CERS5: variants seen among roughly 807,000 people sequenced by gnomAD.
The protein encoded by CERS5 is ceramide synthase 5, also known as LAG1 homolog, ceramide synthase 5.
CERS5 carries 37 observed loss-of-function variants against 58.9 expected under a neutral mutation model. The observed-to-expected ratio is 0.63, with a 90% CI of 0.48 to 0.83. CERS5 has a LOEUF of 0.83. Among genes scored for constraint, CERS5 ranks in the 40% least tolerant of loss-of-function variants. The pLI is 0.00. For missense variants in CERS5, 398 were observed against 489.3 expected (o/e 0.81, Z 1.76); for synonymous variants, 147 against 177.8 (o/e 0.83, Z 1.38).
At chr12:50,144,375 A>G (rs941917275) in intron 1 of CERS5, 2 of 295,658 alleles carry the variant, frequency 6.8e-6, no homozygotes, top group African/African-American at 2.1e-5. Context: ...CTGCATTTTA[A>G]CAAGATCCCC....
chr12:50,161,869 C>CTTTTTTTTTT (rs765766688), intron 1 of CERS5, among the ~76,000 whole-genome samples: 1 of 67,306 alleles, frequency 1.5e-5, no homozygotes, highest in African/African-American at 6.2e-5. Context: ...TGTTCTTCTT[C>CTTTTTTTTTT]TTTTTTTTTT....
Position 50,167,299 on chromosome 12 carries a change from T to C in CERS5, c.-2A>G. On this transcript the variant is annotated 5_prime_UTR_variant, in exon 1 of 10. Transcript: ENST00000317551. ...GGGTCCCTGCGCTGCTGTCGCCATC[T>C]TACGCCCACCCCGAAGCCACCGCCG... 4.7e-6 allele frequency: 7 copies of C among 1,500,780 alleles called. No homozygotes were observed. The highest frequency in any genetic ancestry group is 6.2e-6 in the Non-Finnish European group (7 of 1,132,018). 93.0% of individuals were successfully genotyped at this position (1,500,780 alleles called of 1,614,324 possible). A position where few individuals can be genotyped will look rare whatever the true frequency, so the allele number is the denominator to read the frequency against.
intron 1 of CERS5, among the ~76,000 whole-genome samples, chr12:50,148,928 ATATATAT>A (rs1263310224): frequency 4.5e-5 from 3 of 66,240 alleles, no homozygotes; most frequent in East Asian, 2.5e-3. Context: ...AAAAAAAAAA[ATATATAT>A]ATATATATAT....
chr12:50,154,242 A>T, intron 1 of CERS5: 1 of 352,474 alleles, frequency 2.8e-6, no homozygotes. Context: ...AATCCTAGCT[A>T]CTCGGGAGGC....
At chr12:50,132,952 ATACACT>A (rs1237758604) in intron 9 of CERS5, 3 of 1,288,928 alleles carry the variant, frequency 2.3e-6, no homozygotes, top group African/African-American at 1.5e-5. Context: ...AGAAGCACAG[ATACACT>A]TACATGCAAG....
intron 1 of CERS5, chr12:50,144,709 G>T: frequency 2.1e-6 from 2 of 938,730 alleles, no homozygotes; most frequent in Non-Finnish European, 3.2e-6. Flanking sequence ...TCACCTATTA[G>T]CACTCTATCG....
chr12:50,133,801 C>T (rs184903349), intron 9 of CERS5: 95 of 984,420 alleles, frequency 9.7e-5, no homozygotes, highest in East Asian at 1.1e-4. Flanking sequence ...AGGCCAGGTG[C>T]GGTGGCTCAC....
intron 7 of CERS5, 21 bp downstream of exon 7, chr12:50,135,920 A>T: frequency 1.9e-6 from 3 of 1,564,428 alleles, no homozygotes; most frequent in Non-Finnish European, 2.6e-6. Flanking sequence ...GAAGATGGAG[A>T]AAGAGAGATT....
At position 50,129,948 on chromosome 12, in the gene CERS5, CT is replaced by C. The variant is rs1160692268; in HGVS notation, c.*596del. The C allele has an allele frequency of 2.0e-5, 3 of 152,324 alleles. No homozygotes were observed. The highest frequency in any genetic ancestry group is 7.2e-5 in the African/African-American group (3 of 41,434). 9.4% of individuals were successfully genotyped at this position (152,324 alleles called of 1,614,324 possible). A position where few individuals can be genotyped will look rare whatever the true frequency, so the allele number is the denominator to read the frequency against. ...TGAGTAAAGAGCAGGGTATTGGCAG[CT>C]GTCCCTGTTGCTATCAGGTGATTGA... On this transcript the variant is annotated 3_prime_UTR_variant, in exon 10 of 10. Coordinates refer to ENST00000317551, the MANE Select transcript of CERS5 (RefSeq NM_147190.5).
intron 3 of CERS5, among the ~76,000 whole-genome samples, 157 bp from the exon 4 acceptor site, chr12:50,142,267 G>A (rs1952011026): frequency 6.6e-6 from 1 of 152,038 alleles, no homozygotes; most frequent in South Asian, 2.1e-4. Flanking sequence ...AAAAGCCAAA[G>A]ACAGGGGCCA....
intron 4 of CERS5, among the ~76,000 whole-genome samples, chr12:50,140,683 A>G (rs1016211068): frequency 6.6e-6 from 1 of 152,152 alleles, no homozygotes; most frequent in Non-Finnish European, 1.5e-5. Flanking sequence ...ATATTTTGAA[A>G]TTTACTGAGA....
intron 2 of CERS5, chr12:50,143,519 G>A (rs371350789): frequency 1.2e-4 from 36 of 293,910 alleles, no homozygotes; most frequent in African/African-American, 5.7e-4. Context: ...GCTGAGGGCC[G>A]AAGGATGGCT....
In CERS5 at chr12:50,143,161, T is replaced by C; in HGVS notation, c.347A>G (p.Asp116Gly). The stretch of plus-strand genomic sequence containing the variant: ...GCATTGGATTTTTCGGACATTCCAA[T>C]CCAGCTGCTTTGACAGGCCCTCCAG... ...KRLEGLSKQL[D>G]WNVRKIQCWF... is the part of the protein sequence containing the mutation. Residue 116 changes from aspartate to glycine, a missense_variant, in exon 3 of 10, where the codon GAT becomes GGT. Asp to Gly is a moderately conservative substitution (Grantham distance 94). Transcript: ENST00000317551. 6.2e-7 allele frequency: 1 copy of C among 1,614,156 alleles called. No individual in the cohort carries two copies. Among genetic ancestry groups the C allele is most frequent in the Non-Finnish European group, 8.5e-7 (1 of 1,180,024 alleles).
At chr12:50,161,872 T>A (rs1283319227) in intron 1 of CERS5, among the ~76,000 whole-genome samples, 7 of 128,120 alleles carry the variant, frequency 5.5e-5, no homozygotes, top group African/African-American at 2.1e-4. Flanking sequence ...TCTTCTTCTT[T>A]TTTTTTTTTT....
chr12:50,157,974 A>T (rs1938838383), intron 1 of CERS5, among the ~76,000 whole-genome samples: 1 of 146,602 alleles, frequency 6.8e-6, no homozygotes, highest in Non-Finnish European at 1.5e-5. Flanking sequence ...AGGTGGCAAG[A>T]TGGCTTGAGC....
At chr12:50,146,846 CAAA>C (rs10714679) in intron 1 of CERS5, among the ~76,000 whole-genome samples, 2 of 105,004 alleles carry the variant, frequency 1.9e-5, no homozygotes, top group African/African-American at 3.6e-5. Context: ...GACTCCGTCT[CAAA>C]AAAAAAAAAA....
At chr12:50,138,034 A>G (rs946512337) in intron 5 of CERS5, among the ~76,000 whole-genome samples, 3 of 152,216 alleles carry the variant, frequency 2.0e-5, no homozygotes, top group African/African-American at 7.2e-5. Flanking sequence ...TTCAGCTCTC[A>G]TCTTGCAGAG....
chr12:50,135,581 G>C (rs1411614934), intron 8 of CERS5, 151 bp downstream of exon 8: 1 of 745,868 alleles, frequency 1.3e-6, no homozygotes, highest in Non-Finnish European at 2.4e-6. Context: ...GTCAGCACAG[G>C]CTAAGGTAAA....
At chr12:50,151,536 T>C (rs1254349038) in intron 1 of CERS5, among the ~76,000 whole-genome samples, 1 of 152,218 alleles carries the variant, frequency 6.6e-6, no homozygotes, top group Non-Finnish European at 1.5e-5. Context: ...AGTTCCTCTG[T>C]GCTTCAGTTC....
Sources: gnomAD v4.1 joint callset for allele counts (sites outside exome capture counted in the v4.1 genomes callset) on GRCh38, gnomAD v4.1.1 for gene constraint, MANE v1.5 for transcripts, NCBI Gene and HGNC (gene_info 2026-07-23, HGNC 2026-07-21) for gene names.